Variants in ADTRP observed in about 807,000 individuals in gnomAD.
ADTRP encodes the protein androgen-dependent TFPI-regulating protein.
A neutral mutation model predicts 27.0 loss-of-function variants in ADTRP; 20 were observed. The observed-to-expected ratio is 0.74, with a 90% CI of 0.52 to 1.08. The LOEUF (loss-of-function observed/expected upper bound fraction) is 1.08. Ranked by LOEUF, ADTRP falls within the 50% of genes least tolerant of loss-of-function variation. The pLI, the probability that ADTRP is intolerant of heterozygous loss-of-function variation, is 0.00. For missense variants in ADTRP, 251 were observed against 275.0 expected, an observed-to-expected ratio of 0.91 and a Z score of 0.62; for synonymous variants, 101 against 105.2, an observed-to-expected ratio of 0.96 and a Z score of 0.25.
At chr6:11,770,617 G>A (rs1477003100) in intron 1 of ADTRP, among the ~76,000 whole-genome samples, 1 of 152,166 alleles carries the variant, frequency 6.6e-6, no homozygotes, top group Non-Finnish European at 1.5e-5. Context: ...AACCAGAAAG[G>A]GGTGTCCCAG....
chr6:11,720,579 C>T (rs9357192), intron 5 of ADTRP, among the ~76,000 whole-genome samples: 70,281 of 151,488 alleles, frequency 0.46, 17,914 homozygotes, highest in Non-Finnish European at 0.59. Context: ...TCATGCCATT[C>T]TCCTGCCTCA....
intron 3 of ADTRP, among the ~76,000 whole-genome samples, chr6:11,737,935 A>G (rs1019851765): frequency 1.3e-5 from 2 of 152,230 alleles, no homozygotes; most frequent in Non-Finnish European, 2.9e-5. Flanking sequence ...CTAATAAAAG[A>G]GCATGGCATC....
chr6:11,737,214 G>C (rs1035120354), intron 3 of ADTRP, among the ~76,000 whole-genome samples: 1 of 152,066 alleles, frequency 6.6e-6, no homozygotes, highest in Non-Finnish European at 1.5e-5. Flanking sequence ...AGTAGTGCTA[G>C]TATTTTGCGT....
intron 3 of ADTRP, among the ~76,000 whole-genome samples, chr6:11,753,120 T>C (rs546730390): frequency 4.9e-4 from 75 of 152,330 alleles, no homozygotes; most frequent in African/African-American, 1.5e-3. Context: ...GGTACTTAAT[T>C]CTTTTCATGA....
chr6:11,743,529 A>C (rs903363821), intron 3 of ADTRP, among the ~76,000 whole-genome samples: 5 of 152,148 alleles, frequency 3.3e-5, no homozygotes, highest in Non-Finnish European at 5.9e-5. Flanking sequence ...CCCTTAGCTG[A>C]ATCCTGAAAC....
Position 11,768,234 on chromosome 6 carries a change from A to G in ADTRP, c.288+15T>C. ...CACATTTCTGTTAGATTATGTACAC[A>G]TCTTTGAAACTTACCGTGGATACAG... On this transcript the variant is annotated intron_variant, in intron 2 of 5. Coordinates refer to ENST00000414691, the MANE Select transcript of ADTRP (RefSeq NM_032744.4). 6.2e-7 allele frequency: 1 copy of G among 1,614,018 alleles called. No homozygotes were observed. Among genetic ancestry groups the G allele is most frequent in the Admixed American group, 1.7e-5 (1 of 60,016 alleles).
chr6:11,745,335 G>A (rs1762833467), intron 3 of ADTRP, among the ~76,000 whole-genome samples: 1 of 152,138 alleles, frequency 6.6e-6, no homozygotes, highest in South Asian at 2.1e-4. Context: ...TATCTCTCGA[G>A]AAGCAGTTCT....
intron 1 of ADTRP, among the ~76,000 whole-genome samples, chr6:11,774,580 C>G (rs555183084): frequency 1.8e-3 from 261 of 148,146 alleles, no homozygotes; most frequent in Admixed American, 3.0e-3. Flanking sequence ...GGGGCTTGGG[C>G]AACTTATGAA....
In ADTRP at chr6:11,745,170, ATCTCTCTC is replaced by A. The variant is rs56245898; in HGVS notation, c.391-9495_391-9488del. On this transcript the variant is annotated intron_variant, in intron 3 of 5. Coordinates refer to ENST00000414691, the MANE Select transcript of ADTRP (RefSeq NM_032744.4). The stretch of plus-strand genomic sequence containing the variant: ...TAATCAGTTGATTTAGGGTTAGTCA[ATCTCTCTC>A]TCTCTCTCTCTCTCTCTCTGTGGGT... Among the ~76,000 whole-genome samples, 145 of 147,898 alleles carry A rather than the reference ATCTCTCTC, an allele frequency of 9.8e-4. 2 individuals are homozygous for A. The highest frequency in any genetic ancestry group is 3.2e-3 in the African/African-American group (130 of 40,126).
At chr6:11,774,114 C>T (rs938519865) in intron 1 of ADTRP, among the ~76,000 whole-genome samples, 4 of 151,400 alleles carry the variant, frequency 2.6e-5, no homozygotes, top group African/African-American at 4.9e-5. Context: ...TGAGACCAAC[C>T]TGGCCAACAT....
intron 5 of ADTRP, chr6:11,717,121 G>C: frequency 3.3e-6 from 2 of 597,462 alleles, no homozygotes; most frequent in Non-Finnish European, 4.9e-6. Context: ...TCACAAAATG[G>C]ATTTTAAGTT....
chr6:11,739,886 T>C (rs1167888970), intron 3 of ADTRP, among the ~76,000 whole-genome samples: 1 of 152,192 alleles, frequency 6.6e-6, no homozygotes, highest in East Asian at 1.9e-4. Context: ...ATCACACTCT[T>C]ATCCTAAGTT....
chr6:11,728,792 G>A (rs1391684601), intron 4 of ADTRP, among the ~76,000 whole-genome samples: 3 of 152,164 alleles, frequency 2.0e-5, no homozygotes, highest in African/African-American at 7.2e-5. Context: ...GGCTCTGTAG[G>A]ACACTGCTAT....
intron 3 of ADTRP, among the ~76,000 whole-genome samples, chr6:11,747,452 A>G (rs1762903661): frequency 6.6e-6 from 1 of 152,178 alleles, no homozygotes; most frequent in Non-Finnish European, 1.5e-5. Flanking sequence ...TCATGGGTAA[A>G]TTAGTTTCTA....
intron 3 of ADTRP, among the ~76,000 whole-genome samples, chr6:11,764,348 G>A (rs1763485146): frequency 6.6e-6 from 1 of 152,150 alleles, no homozygotes; most frequent in Non-Finnish European, 1.5e-5. Context: ...GGGGGGAGAT[G>A]GTAGTCATTG....
chr6:11,759,901 T>C (rs952125117), intron 3 of ADTRP, among the ~76,000 whole-genome samples: 2 of 151,948 alleles, frequency 1.3e-5, no homozygotes, highest in African/African-American at 4.8e-5. Context: ...GAGGCTGCAG[T>C]GGTGTGCTTT....
chr6:11,768,892 AG>A (rs1186068155), intron 1 of ADTRP, among the ~76,000 whole-genome samples: 1 of 152,062 alleles, frequency 6.6e-6, no homozygotes, highest in Non-Finnish European at 1.5e-5. Context: ...GGCACACAAA[AG>A]GGTGCCTTGC....
intron 1 of ADTRP, among the ~76,000 whole-genome samples, chr6:11,773,835 C>T (rs375511493): frequency 7.9e-5 from 12 of 152,344 alleles, no homozygotes; most frequent in South Asian, 4.1e-4. Flanking sequence ...CTCTATACTG[C>T]GTCCAAAGAA....
chr6:11,723,696 T>G (rs1484707289), intron 4 of ADTRP, among the ~76,000 whole-genome samples, 196 bp from the exon 5 acceptor site: 1 of 152,140 alleles, frequency 6.6e-6, no homozygotes, highest in Non-Finnish European at 1.5e-5. Context: ...CAATAAGACA[T>G]GCTGTTTGAT....
Sources: allele counts gnomAD v4.1 joint callset (sites outside exome capture counted in the v4.1 genomes callset), GRCh38; gene constraint gnomAD v4.1.1; transcripts MANE v1.5; gene names NCBI Gene and HGNC (gene_info 2026-07-23, HGNC 2026-07-21).